The following NDUFS1 variants were observed in gnomAD, a reference collection of about 807,000 sequenced individuals.
NDUFS1 encodes NADH:ubiquinone oxidoreductase core subunit S1.
A neutral mutation model predicts 84.4 loss-of-function variants in NDUFS1; 61 were observed. The ratio of observed to expected loss-of-function variants is 0.72; its 90% CI spans 0.59 to 0.89. The LOEUF is 0.89. NDUFS1 is among the 40% of genes least tolerant of loss of function. The pLI, the probability that NDUFS1 is intolerant of heterozygous loss-of-function variation, is 0.00. For synonymous variants in NDUFS1, 275 were observed against 290.0 expected (o/e 0.95, Z 0.53); for missense variants, 891 against 890.0 (o/e 1.00, Z -0.01).
chr2:206,132,947 A>C lies in NDUFS1; in HGVS notation c.1551T>G (p.His517Gln). The part of the protein sequence containing the change: ...TGDWKVMNIL[H>Q]RIASQVAALD... ...TATAAAGCAATTACTCAACAAACCTATGAAGGATATTCATAACTTTCCAAT... is the reference window on the plus strand; with the variant it reads ...TATAAAGCAATTACTCAACAAACCTCTGAAGGATATTCATAACTTTCCAAT... Residue 517 changes from histidine to glutamine, a missense_variant and splice_region_variant, in exon 14 of 19, where the codon CAT becomes CAG. Coordinates refer to ENST00000233190, the MANE Select transcript of NDUFS1 (RefSeq NM_005006.7). 41 of 1,613,148 alleles carry C rather than the reference A, an allele frequency of 2.5e-5. No homozygotes were observed. Among genetic ancestry groups the C allele is most frequent in the Non-Finnish European group, 3.4e-5 (40 of 1,179,192 alleles).
intron 18 of NDUFS1, among the ~76,000 whole-genome samples, 164 bp downstream of exon 18, chr2:206,126,375 T>C (rs1275419839): frequency 2.6e-5 from 4 of 152,164 alleles, no homozygotes; most frequent in Admixed American, 2.0e-4. Flanking sequence ...AAAACTAGAG[T>C]AGAATCAGAA....
chr2:206,131,846 G>A (rs1175582854), intron 14 of NDUFS1, among the ~76,000 whole-genome samples: 1 of 152,142 alleles, frequency 6.6e-6, no homozygotes, highest in East Asian at 1.9e-4. Context: ...GGCTGAGGCA[G>A]GAGAATTGCT....
intron 7 of NDUFS1, 38 bp downstream of exon 7, chr2:206,147,493 T>G: frequency 6.4e-7 from 1 of 1,570,734 alleles, no homozygotes; most frequent in Non-Finnish European, 8.7e-7. Context: ...AAGTATACAA[T>G]TATATTCTAT....
chr2:206,143,088 CTAA>C (rs1692025779), intron 10 of NDUFS1, among the ~76,000 whole-genome samples: 1 of 152,114 alleles, frequency 6.6e-6, no homozygotes, highest in South Asian at 2.1e-4. Flanking sequence ...CCCATCTCTA[CTAA>C]TAATACAAAA....
intron 4 of NDUFS1, among the ~76,000 whole-genome samples, chr2:206,149,393 G>T (rs1692283115): frequency 6.6e-6 from 1 of 152,056 alleles, no homozygotes. Context: ...GCTTTGATTA[G>T]CAGGCACTAT....
intron 2 of NDUFS1, 22 bp downstream of exon 2, chr2:206,153,596 G>C: frequency 7.0e-7 from 1 of 1,438,346 alleles, no homozygotes; most frequent in South Asian, 1.1e-5. Context: ...ATCCACGAAT[G>C]CAAATTTAAG....
chr2:206,136,738 A>T (rs1691731552), intron 13 of NDUFS1, among the ~76,000 whole-genome samples: 1 of 136,954 alleles, frequency 7.3e-6, no homozygotes. Context: ...CTGGCCGGAA[A>T]TTCCTTAGTT....
chr2:206,155,021 C>T (rs1488474563), intron 1 of NDUFS1, among the ~76,000 whole-genome samples: 1 of 151,388 alleles, frequency 6.6e-6, no homozygotes, highest in East Asian at 1.9e-4. Context: ...CCTCTGCCTC[C>T]TGGGTTCAAG....
intron 10 of NDUFS1, 70 bp downstream of exon 10, chr2:206,143,948 C>T: frequency 1.7e-6 from 2 of 1,210,008 alleles, no homozygotes; most frequent in South Asian, 2.4e-5. Context: ...ATATACATCC[C>T]CCCCTTCATG....
At chr2:206,157,351 T>C (rs543712829) in intron 1 of NDUFS1, among the ~76,000 whole-genome samples, 65 of 152,320 alleles carry the variant, frequency 4.3e-4, no homozygotes, top group Admixed American at 1.2e-3. Flanking sequence ...TGTAGGTTAG[T>C]AATCAATTTT....
At chr2:206,153,709 A>G (rs1421741127) in intron 1 of NDUFS1, 27 bp from the exon 2 acceptor site, 3 of 1,241,528 alleles carry the variant, frequency 2.4e-6, no homozygotes, top group Non-Finnish European at 3.5e-6. Context: ...GAATTATATT[A>G]TTGTAGGGAA....
At chr2:206,149,238 C>G in intron 4 of NDUFS1, 142 bp from the exon 5 acceptor site, 1 of 686,056 alleles carries the variant, frequency 1.5e-6, no homozygotes, top group Non-Finnish European at 2.4e-6. Context: ...TTTTTTAAAA[C>G]TGAATTTTGT....
intron 1 of NDUFS1, among the ~76,000 whole-genome samples, chr2:206,154,922 C>CAT (rs71410867): frequency 9.9e-6 from 1 of 100,826 alleles, no homozygotes; most frequent in Non-Finnish European, 1.9e-5. Context: ...GTGCCCGGCC[C>CAT]TTTTTTTTTT....
Position 206,132,992 on chromosome 2 carries a change from C to T in NDUFS1, c.1506G>A (p.Met502Ile), listed in dbSNP as rs1254004851. The change falls in exon 14 of 19, where the codon ATG becomes ATA. Residue 502 changes from methionine (M) to isoleucine (I), a missense_variant. Physicochemically the swap from Met to Ile is conservative, Grantham distance 10. Coordinates refer to ENST00000233190, the MANE Select transcript of NDUFS1 (RefSeq NM_005006.7). The stretch of plus-strand genomic sequence containing the variant: ...TCCAATCACCAGTAACACCACTAGT[C>T]ATCCGAATCTTTTGTGCAATGCTAG... ...AVSSIAQKIRMTSGVTGDWKV... is the reference protein window; with the variant it reads ...AVSSIAQKIRITSGVTGDWKV... 2.5e-6 allele frequency: 4 copies of T among 1,613,974 alleles called. No individual in the cohort carries two copies. Among genetic ancestry groups the T allele is most frequent in the East Asian group, 4.5e-5 (2 of 44,846 alleles).
chr2:206,136,218 T>C (rs1691706338), intron 13 of NDUFS1, among the ~76,000 whole-genome samples: 1 of 151,000 alleles, frequency 6.6e-6, no homozygotes, highest in South Asian at 2.1e-4. Flanking sequence ...CTAATTTTTG[T>C]ATTTTTTTTT....
intron 2 of NDUFS1, among the ~76,000 whole-genome samples, chr2:206,152,855 C>T (rs1413061728): frequency 1.3e-5 from 2 of 151,974 alleles, no homozygotes; most frequent in East Asian, 1.9e-4. Flanking sequence ...CAGGAACTCA[C>T]CACCACGCCC....
At chr2:206,146,393 T>C (rs947227331) in intron 8 of NDUFS1, among the ~76,000 whole-genome samples, 2 of 152,226 alleles carry the variant, frequency 1.3e-5, no homozygotes, top group Non-Finnish European at 2.9e-5. Flanking sequence ...GGATGATAAT[T>C]TGTTATGTTT....
intron 10 of NDUFS1, 36 bp downstream of exon 10, chr2:206,143,982 C>T: frequency 6.6e-7 from 1 of 1,511,908 alleles, no homozygotes; most frequent in South Asian, 1.1e-5. Context: ...TTGATAATCA[C>T]AAACACTATT....
At position 206,149,929 on chromosome 2, in the gene NDUFS1, GAAGT is replaced by G. The variant is rs1368019756; in HGVS notation, c.154-8_154-5del. 39 of 336,906 alleles carry G rather than the reference GAAGT, an allele frequency of 1.2e-4. No homozygotes were observed. The highest frequency in any genetic ancestry group is 8.6e-4 in the South Asian group (33 of 38,512). 20.9% of individuals were successfully genotyped at this position (336,906 alleles called of 1,614,324 possible). A position where few individuals can be genotyped will look rare whatever the true frequency, so the allele number is the denominator to read the frequency against. On this transcript the variant is annotated splice_polypyrimidine_tract_variant and splice_region_variant and intron_variant, in intron 3 of 18. Coordinates refer to ENST00000233190, the MANE Select transcript of NDUFS1 (RefSeq NM_005006.7). ...GCATGCCAACCTTCTCACAAGCCTA[GAAGT>G]AAAAAAAAAAAAAAAAAAAAAAAAA...
Sources: gnomAD v4.1 joint callset for allele counts (sites outside exome capture counted in the v4.1 genomes callset) on GRCh38, gnomAD v4.1.1 for gene constraint, MANE v1.5 for transcripts, NCBI Gene and HGNC (gene_info 2026-07-23, HGNC 2026-07-21) for gene names.